Variants in GRM1 observed in about 807,000 individuals in gnomAD.
GRM1 encodes metabotropic glutamate receptor 1.
GRM1 carries 33 observed loss-of-function variants against 90.9 expected under a neutral mutation model. The observed-to-expected ratio is 0.36, with a 90% CI of 0.28 to 0.49. The LOEUF is 0.49. Ranked by LOEUF, GRM1 falls within the 20% of genes least tolerant of loss-of-function variation. GRM1 has a pLI of 0.99. For synonymous variants in GRM1, 700 were observed against 613.2 expected, an observed-to-expected ratio of 1.14 and a Z score of -2.09; for missense variants, 1,190 against 1,534.3, an observed-to-expected ratio of 0.78 and a Z score of 3.75.
chr6:146,065,332 A>C (rs570207252), intron 1 of GRM1, among the ~76,000 whole-genome samples: 1 of 152,328 alleles, frequency 6.6e-6, no homozygotes, highest in South Asian at 2.1e-4. Context: ...CCACATTAAT[A>C]GGTAGCCCTG....
intron 2 of GRM1, among the ~76,000 whole-genome samples, chr6:146,252,053 T>A (rs956625454): frequency 2.0e-5 from 3 of 152,206 alleles, no homozygotes; most frequent in Admixed American, 1.3e-4. Context: ...TTTTTCCTTC[T>A]AAGAAGTTAT....
At chr6:146,269,529 C>T (rs1489331207) in intron 2 of GRM1, among the ~76,000 whole-genome samples, 1 of 152,110 alleles carries the variant, frequency 6.6e-6, no homozygotes, top group Admixed American at 6.6e-5. Context: ...AGCAGGGGTC[C>T]CCAACCTCCA....
intron 1 of GRM1, among the ~76,000 whole-genome samples, chr6:146,130,883 T>C (rs1776376119): frequency 6.6e-6 from 1 of 152,156 alleles, no homozygotes; most frequent in Non-Finnish European, 1.5e-5. Flanking sequence ...ATCATGAGTC[T>C]TCAACCTTCT....
chr6:146,124,726 T>G (rs1769823918), intron 1 of GRM1, among the ~76,000 whole-genome samples: 1 of 152,156 alleles, frequency 6.6e-6, no homozygotes, highest in South Asian at 2.1e-4. Context: ...AATGATAATA[T>G]TCATCAATAG....
At chr6:146,409,250 G>T (rs1777472454) in intron 7 of GRM1, among the ~76,000 whole-genome samples, 1 of 152,074 alleles carries the variant, frequency 6.6e-6, no homozygotes, top group African/African-American at 2.4e-5. Context: ...TGAGTCTAAG[G>T]ATAACCATGC....
At chr6:146,297,972 G>T (rs4140582) in intron 2 of GRM1, among the ~76,000 whole-genome samples, 1,737 of 152,154 alleles carry the variant, frequency 0.011, 74 homozygotes, top group East Asian at 0.079. Flanking sequence ...TCTCTGTGGT[G>T]CTGAAGAATT....
In GRM1 at chr6:146,398,830, C is replaced by T. The variant is rs1159214386; in HGVS notation, c.1791C>T (p.Ile597=). The change falls in exon 7 of 8, where the codon ATC becomes ATT. Residue 597 remains isoleucine, a synonymous_variant. Coordinates refer to ENST00000282753, the MANE Select transcript of GRM1 (RefSeq NM_001278064.2). ...GCAACATCGAATCCATTATAGCCAT[C>T]GCCTTTTCATGCCTGGGAATCCTTG... ...EWSNIESIIA[I]AFSCLGILVT... 19 of 1,613,584 alleles carry T rather than the reference C, an allele frequency of 1.2e-5. No individual in the cohort carries two copies. Among genetic ancestry groups the T allele is most frequent in the Non-Finnish European group, 1.4e-5 (17 of 1,179,652 alleles).
chr6:146,399,729 T>G lies in GRM1; in HGVS notation c.2660+30T>G. 3 of 1,366,436 alleles carry G rather than the reference T, an allele frequency of 2.2e-6. No individual in the cohort carries two copies. Among genetic ancestry groups the G allele is most frequent in the Non-Finnish European group, 3.1e-6 (3 of 976,490 alleles). The allele number at this position is 1,366,436 out of a possible 1,614,324, so 84.6% of individuals were successfully genotyped here. On this transcript the variant is annotated intron_variant, in intron 7 of 7. Coordinates refer to ENST00000282753, the MANE Select transcript of GRM1 (RefSeq NM_001278064.2). This position sits in a 1 kb window ranked among gnomAD's most constrained non-coding sequence, Gnocchi z 5.4. ...GTTATCTGACCTGTTTGTCTCTCTT[T>G]TCTCTTCCTTTCTCTGTCTCTTTCT...
At chr6:146,304,991 G>T in intron 3 of GRM1, 145 bp downstream of exon 3, 2 of 707,570 alleles carry the variant, frequency 2.8e-6, no homozygotes, top group Non-Finnish European at 5.0e-6. Flanking sequence ...GCTAGAATAA[G>T]GAGGAATTGT....
intron 5 of GRM1, among the ~76,000 whole-genome samples, chr6:146,369,639 T>G (rs183186722): frequency 6.6e-5 from 10 of 152,188 alleles, no homozygotes; most frequent in Admixed American, 5.2e-4. Context: ...AAAATTACTC[T>G]TGTTATTGAT....
rs186579813 is a variant in GRM1 at position 146,373,590 on chromosome 6, C to T, written c.1603-13300C>T. On this transcript the variant is annotated intron_variant, in intron 5 of 7. Transcript: ENST00000282753. The stretch of plus-strand genomic sequence containing the variant: ...TTGATATGAGATTTGGGGATGGGGG[C>T]GGACACAGAGCCAAACCATATCAGT... 7.9e-5 allele frequency among the ~76,000 whole-genome samples: 12 copies of T among 152,142 alleles called. No homozygotes were observed. The East Asian group carries it at 1.5e-3, about 20-fold the overall frequency.
At chr6:146,244,230 G>A (rs902473815) in intron 2 of GRM1, among the ~76,000 whole-genome samples, 2 of 152,062 alleles carry the variant, frequency 1.3e-5, no homozygotes, top group Non-Finnish European at 2.9e-5. Flanking sequence ...ACAGGCATAG[G>A]AAATCACAAG....
chr6:146,267,767 T>A (rs145233814), intron 2 of GRM1, among the ~76,000 whole-genome samples: 269 of 151,868 alleles, frequency 1.8e-3, no homozygotes, highest in African/African-American at 6.2e-3. Flanking sequence ...TCTCTTCATG[T>A]TTTTCTGCCT....
intron 1 of GRM1, among the ~76,000 whole-genome samples, chr6:146,121,062 C>T (rs989961458): frequency 6.6e-5 from 10 of 152,026 alleles, no homozygotes; most frequent in East Asian, 1.9e-4. Context: ...GAATCCGTCT[C>T]GTCCTGGGCT....
intron 3 of GRM1, among the ~76,000 whole-genome samples, chr6:146,306,413 AC>A (rs994121930): frequency 6.6e-6 from 1 of 152,164 alleles, no homozygotes; most frequent in African/African-American, 2.4e-5. Flanking sequence ...CAGCAAAGAA[AC>A]GACAACCCAC....
At chr6:146,239,790 T>C (rs943387452) in intron 2 of GRM1, among the ~76,000 whole-genome samples, 1 of 152,274 alleles carries the variant, frequency 6.6e-6, no homozygotes, top group East Asian at 1.9e-4. Flanking sequence ...CTGGAACTTA[T>C]AACTTTTGAG....
chr6:146,295,911 T>C lies in GRM1; in HGVS notation c.951-8700T>C, dbSNP rs117785887. ...CCCTCAAGGGGGCCCCAGAGTCTGTTGTTCCCTTCTTTGTGTTCATGTGTT... is the reference window on the plus strand; with the variant it reads ...CCCTCAAGGGGGCCCCAGAGTCTGTCGTTCCCTTCTTTGTGTTCATGTGTT... On this transcript the variant is annotated intron_variant, in intron 2 of 7. Transcript: ENST00000282753. 9.3e-3 allele frequency among the ~76,000 whole-genome samples: 1,416 copies of C among 152,242 alleles called. 13 individuals are homozygous for C. The highest frequency in any genetic ancestry group is 0.012 in the South Asian group (56 of 4,826).
At chr6:146,162,109 T>C (rs1209464661) in intron 2 of GRM1, among the ~76,000 whole-genome samples, 2 of 152,206 alleles carry the variant, frequency 1.3e-5, no homozygotes. Flanking sequence ...TGCTGTCAAA[T>C]ATATCTCCCT....
intron 1 of GRM1, among the ~76,000 whole-genome samples, chr6:146,126,632 A>G (rs941648529): frequency 6.6e-6 from 1 of 152,126 alleles, no homozygotes; most frequent in Admixed American, 6.6e-5. Flanking sequence ...TAGTTGTATC[A>G]TATCATTGTA....
Sources: allele counts gnomAD v4.1 joint callset (sites outside exome capture counted in the v4.1 genomes callset), GRCh38; gene constraint gnomAD v4.1.1; non-coding constraint Gnocchi (gnomAD v3.1); transcripts MANE v1.5; gene names NCBI Gene and HGNC (gene_info 2026-07-23, HGNC 2026-07-21).